The following DIAPH2 variants were observed in gnomAD, a reference collection of about 807,000 sequenced individuals.
DIAPH2 encodes protein diaphanous homolog 2.
A neutral mutation model predicts 92.7 loss-of-function variants in DIAPH2; 35 were observed. The ratio of observed to expected loss-of-function variants is 0.38; its 90% CI spans 0.29 to 0.50. DIAPH2 has a LOEUF of 0.50. Ranked by LOEUF, DIAPH2 falls within the 20% of genes least tolerant of loss-of-function variation. DIAPH2 has a pLI of 0.94. For synonymous variants in DIAPH2, 301 were observed against 280.4 expected (o/e 1.07, Z -0.73); for missense variants, 701 against 819.5 (o/e 0.86, Z 1.77).
At chrX:97,389,247 T>C (rs2069631182) in intron 25 of DIAPH2, among the ~76,000 whole-genome samples, 1 of 108,836 alleles carries the variant, frequency 9.2e-6, no homozygotes, top group Admixed American at 9.8e-5. Flanking sequence ...GGCGGGTGGA[T>C]CATGAGGTCA....
At chrX:96,882,945 C>T (rs1206602689) in intron 5 of DIAPH2, among the ~76,000 whole-genome samples, 6 of 74,739 alleles carry the variant, frequency 8.0e-5, no homozygotes, top group African/African-American at 1.3e-4. Flanking sequence ...GGAGACAGAG[C>T]GAGACCCTGT....
rs7887703 is a variant in DIAPH2, at chrX:97,076,127, G to A, written c.2247+866G>A. ...CCCTGTCTGGTTTAATTTTTGAAAGGAATAACTGTAAAGATTTCTGTGGAA... is the reference window on the plus strand; with the variant it reads ...CCCTGTCTGGTTTAATTTTTGAAAGAAATAACTGTAAAGATTTCTGTGGAA... On this transcript the variant is annotated intron_variant, in intron 19 of 26. Coordinates refer to ENST00000324765, the MANE Select transcript of DIAPH2 (RefSeq NM_006729.5). 8.1e-3 allele frequency among the ~76,000 whole-genome samples: 914 copies of A among 112,310 alleles called. 14 individuals are homozygous for A. Among genetic ancestry groups the A allele is most frequent in the African/African-American group, 0.028 (869 of 30,904 alleles).
At chrX:97,327,549 C>T (rs773688414) in intron 23 of DIAPH2, among the ~76,000 whole-genome samples, 1 of 112,244 alleles carries the variant, frequency 8.9e-6, no homozygotes, top group Non-Finnish European at 1.9e-5. Flanking sequence ...TCTCATGCCT[C>T]AGCCTCCTGA....
intron 23 of DIAPH2, among the ~76,000 whole-genome samples, chrX:97,303,897 G>A (rs759156317): frequency 1.8e-5 from 2 of 111,389 alleles, no homozygotes; most frequent in Admixed American, 1.9e-4. Context: ...CTAGCTATTT[G>A]TTCTTGTATG....
chrX:97,584,485 G>T (rs933600084), intron 26 of DIAPH2, among the ~76,000 whole-genome samples: 5 of 112,402 alleles, frequency 4.4e-5, no homozygotes, highest in African/African-American at 9.7e-5. Context: ...ACTGATTCTA[G>T]ATTTAATAGT....
At chrX:96,685,365 G>T (rs964567196) in intron 1 of DIAPH2, among the ~76,000 whole-genome samples, 175 bp downstream of exon 1, 1 of 112,237 alleles carries the variant, frequency 8.9e-6, no homozygotes, top group African/African-American at 3.2e-5. Flanking sequence ...CGGCGTGGGG[G>T]CGGAAGAGCA....
intron 23 of DIAPH2, among the ~76,000 whole-genome samples, chrX:97,294,872 A>G (rs1222749606): frequency 9.0e-6 from 1 of 111,339 alleles, no homozygotes; most frequent in African/African-American, 3.3e-5. Flanking sequence ...GAAACACTTC[A>G]TCTGCTTTTA....
At chrX:97,015,130 G>A (rs761655664) in intron 17 of DIAPH2, among the ~76,000 whole-genome samples, 54 of 111,485 alleles carry the variant, frequency 4.8e-4, no homozygotes, top group Non-Finnish European at 8.7e-4. Flanking sequence ...AGAAAGAATG[G>A]GGATAAGTAG....
At chrX:97,508,506 A>G (rs2070853614) in intron 26 of DIAPH2, among the ~76,000 whole-genome samples, 1 of 112,638 alleles carries the variant, frequency 8.9e-6, no homozygotes, top group East Asian at 2.8e-4. Flanking sequence ...AAATTTTAAT[A>G]GACCTGCCTA....
Position 96,804,021 on chromosome X carries a change from C to T in DIAPH2, c.447+45763C>T, listed in dbSNP as rs187897486. Among the ~76,000 whole-genome samples, 60 of 110,836 alleles carry T rather than the reference C, an allele frequency of 5.4e-4. 1 individual carries two copies. Among genetic ancestry groups the T allele is most frequent in the African/African-American group, 1.9e-3 (57 of 30,470 alleles). On this transcript the variant is annotated intron_variant, in intron 4 of 26. Transcript: ENST00000324765. ...GCCACTGCACTCCAGCCTAGGTGAC[C>T]GAAAAAAAAATTTCCTGTGCTTTCT... is the stretch of plus-strand genomic sequence containing the variant.
chrX:96,956,213 C>A (rs1416637688), intron 15 of DIAPH2, among the ~76,000 whole-genome samples: 1 of 112,898 alleles, frequency 8.9e-6, no homozygotes, highest in Non-Finnish European at 1.9e-5. Context: ...GGGCTTGCAC[C>A]CTCTAAGGCT....
At chrX:97,266,314 G>A (rs1426773876) in intron 23 of DIAPH2, among the ~76,000 whole-genome samples, 2 of 111,791 alleles carry the variant, frequency 1.8e-5, no homozygotes, top group Non-Finnish European at 3.8e-5. Flanking sequence ...AACAAGTACT[G>A]GCTATTCTCC....
At chrX:97,185,425 A>ATATATATATATGTGTATATATATG (rs1569323212) in intron 22 of DIAPH2, among the ~76,000 whole-genome samples, 1 of 32,691 alleles carries the variant, frequency 3.1e-5, no homozygotes, top group Non-Finnish European at 5.0e-5. Flanking sequence ...ATATATATGT[A>ATATATATATATGTGTATATATATG]TATATATATG....
intron 19 of DIAPH2, among the ~76,000 whole-genome samples, chrX:97,080,612 T>A (rs1028443637): frequency 9.0e-6 from 1 of 111,227 alleles, no homozygotes; most frequent in Non-Finnish European, 1.9e-5. Context: ...GATTTTTATC[T>A]CAAAACAGAT....
In DIAPH2 at chrX:96,796,417, T is replaced by C. The variant is rs1210612400; in HGVS notation, c.447+38159T>C. ...ATGGTCTCAAACTCCTGACCTCAGG[T>C]GATCCACCTGCCTGGGCCTCCCAAA... is the stretch of plus-strand genomic sequence containing the variant. On this transcript the variant is annotated intron_variant, in intron 4 of 26. Coordinates refer to ENST00000324765, the MANE Select transcript of DIAPH2 (RefSeq NM_006729.5). Among the ~76,000 whole-genome samples, 4 of 112,001 alleles carry C rather than the reference T, an allele frequency of 3.6e-5. No individual in the cohort carries two copies. In the East Asian group the frequency reaches 1.1e-3, roughly 32 times the overall value.
chrX:97,058,632 C>T (rs2066574960), intron 17 of DIAPH2, among the ~76,000 whole-genome samples: 1 of 110,637 alleles, frequency 9.0e-6, no homozygotes, highest in Non-Finnish European at 1.9e-5. Flanking sequence ...ATTGGCTGTT[C>T]TGTCTTCTCT....
At chrX:97,198,920 A>G (rs868394686) in intron 22 of DIAPH2, among the ~76,000 whole-genome samples, 3 of 111,132 alleles carry the variant, frequency 2.7e-5, no homozygotes, top group Middle Eastern at 4.6e-3. Context: ...GATATCCTTT[A>G]TATTTCAAAT....
chrX:97,540,434 A>T (rs2071131055), intron 26 of DIAPH2, among the ~76,000 whole-genome samples: 1 of 112,034 alleles, frequency 8.9e-6, no homozygotes, highest in African/African-American at 3.2e-5. Flanking sequence ...ATGCTATATC[A>T]TTTATCCTTG....
chrX:97,063,368 C>T (rs1254106735), intron 17 of DIAPH2, among the ~76,000 whole-genome samples: 1 of 112,028 alleles, frequency 8.9e-6, no homozygotes, highest in African/African-American at 3.2e-5. Context: ...ACAGAACTTG[C>T]TCTTCATTTT....
Sources: allele counts gnomAD v4.1 joint callset (sites outside exome capture counted in the v4.1 genomes callset), GRCh38; gene constraint gnomAD v4.1.1; transcripts MANE v1.5; gene names NCBI Gene and HGNC (gene_info 2026-07-23, HGNC 2026-07-21).